The following NEURL1B variants were observed in gnomAD, a reference collection of about 807,000 sequenced individuals.
NEURL1B encodes the protein E3 ubiquitin-protein ligase NEURL1B.
A neutral mutation model predicts 37.4 loss-of-function variants in NEURL1B; 13 were observed. That is an observed-to-expected ratio of 0.35 (90% confidence interval 0.23 to 0.55). The LOEUF (loss-of-function observed/expected upper bound fraction) is 0.55, where lower values mean the gene tolerates loss of function less well. Ranked by LOEUF, NEURL1B falls within the 20% of genes least tolerant of loss-of-function variation. The pLI is 0.89. For synonymous variants in NEURL1B, 432 were observed against 426.6 expected, an observed-to-expected ratio of 1.01 and a Z score of -0.16; for missense variants, 790 against 879.2, an observed-to-expected ratio of 0.90 and a Z score of 1.28.
In NEURL1B at chr5:172,670,003, C is replaced by A; in HGVS notation, c.250C>A (p.Leu84Met). ...RPIRLYEQVR[L>M]RLVAVRPGWS... ...CATCCGGCTGTACGAGCAGGTGCGG[C>A]TGCGCCTGGTGGCCGTGCGCCCTGG... Residue 84 changes from leucine to methionine, a missense_variant, in exon 2 of 5, where the codon CTG (leucine) becomes ATG (methionine). Leu to Met is a conservative substitution (Grantham distance 15, BLOSUM62 2). Coordinates refer to ENST00000369800, the MANE Select transcript of NEURL1B (RefSeq NM_001142651.3). 4 of 1,483,768 alleles carry A rather than the reference C, an allele frequency of 2.7e-6. No homozygotes were observed. Among genetic ancestry groups the A allele is most frequent in the Non-Finnish European group, 3.6e-6 (4 of 1,122,978 alleles). The allele number at this position is 1,483,768 out of a possible 1,614,324, so 91.9% of individuals were successfully genotyped here. A position where few individuals can be genotyped will look rare whatever the true frequency, so the allele number is the denominator to read the frequency against.
chr5:172,646,821 T>G (rs1200669086), intron 1 of NEURL1B, among the ~76,000 whole-genome samples: 1 of 150,844 alleles, frequency 6.6e-6, no homozygotes, highest in Admixed American at 6.6e-5. Flanking sequence ...GAAAGGCTGT[T>G]CAGGGCACCA....
At chr5:172,677,995 G>T (rs1204221613) in intron 2 of NEURL1B, among the ~76,000 whole-genome samples, 1 of 152,108 alleles carries the variant, frequency 6.6e-6, no homozygotes, top group Non-Finnish European at 1.5e-5. Flanking sequence ...CAGACCCTGA[G>T]CCTACATCCT....
At chr5:172,677,574 G>T (rs181366537) in intron 2 of NEURL1B, among the ~76,000 whole-genome samples, 1 of 152,146 alleles carries the variant, frequency 6.6e-6, no homozygotes, top group African/African-American at 2.4e-5. Context: ...GGTCAGTGGC[G>T]CACAGACCCA....
At chr5:172,656,376 A>G (rs1391280042) in intron 1 of NEURL1B, 2 of 620,894 alleles carry the variant, frequency 3.2e-6, no homozygotes, top group South Asian at 2.9e-5. Context: ...TATTTTTACA[A>G]AAGTTTATTC....
intron 1 of NEURL1B, among the ~76,000 whole-genome samples, chr5:172,646,575 G>A (rs1200821606): frequency 6.6e-6 from 1 of 152,190 alleles, no homozygotes; most frequent in Admixed American, 6.5e-5. Flanking sequence ...CTGCTAAGAA[G>A]GATATGCCTG....
intron 1 of NEURL1B, among the ~76,000 whole-genome samples, chr5:172,652,040 A>C (rs985381479): frequency 2.6e-5 from 4 of 152,238 alleles, no homozygotes; most frequent in Admixed American, 6.5e-5. Flanking sequence ...GGGATGAACA[A>C]GGGCTGACTT....
At chr5:172,654,481 G>A (rs1171200770) in intron 1 of NEURL1B, among the ~76,000 whole-genome samples, 1 of 151,944 alleles carries the variant, frequency 6.6e-6, no homozygotes. Context: ...TCCCCTGTTA[G>A]GAAACCTGGT....
rs1171224735 is a variant in NEURL1B, at chr5:172,675,176, C to T, written c.577+4846C>T. Among the ~76,000 whole-genome samples, 3 of 152,086 alleles carry T rather than the reference C, an allele frequency of 2.0e-5. No individual in the cohort carries two copies. The highest frequency in any genetic ancestry group is 6.5e-5 in the Admixed American group (1 of 15,278). ...ACAGGCATGAGCCACCATGCCTGGCCGAATGTATCTTTTAAAAATAGGTAG... is the reference window on the plus strand; with the variant it reads ...ACAGGCATGAGCCACCATGCCTGGCTGAATGTATCTTTTAAAAATAGGTAG... On this transcript the variant is annotated intron_variant, in intron 2 of 4. Transcript: ENST00000369800. The surrounding 1 kb of genome is among the most constrained non-coding windows in gnomAD (Gnocchi z 4.7).
Position 172,665,062 on chromosome 5 carries a change from T to C in NEURL1B, c.32-4723T>C, listed in dbSNP as rs1303546303. Among the ~76,000 whole-genome samples the C allele has an allele frequency of 1.3e-5, 2 of 152,212 alleles. No homozygotes were observed. The highest frequency in any genetic ancestry group is 1.5e-5 in the Non-Finnish European group (1 of 68,038). ...AACATCTCTTGGGATTCCCAAGCCCTTCTGTAAAGAAACTCTCTGACTGAG... is the reference window on the plus strand; with the variant it reads ...AACATCTCTTGGGATTCCCAAGCCCCTCTGTAAAGAAACTCTCTGACTGAG... On this transcript the variant is annotated intron_variant, in intron 1 of 4. Coordinates refer to ENST00000369800, the MANE Select transcript of NEURL1B (RefSeq NM_001142651.3). This position sits in a 1 kb window ranked among gnomAD's most constrained non-coding sequence, Gnocchi z 4.1.
intron 1 of NEURL1B, among the ~76,000 whole-genome samples, chr5:172,643,967 G>GA (rs1196892498): frequency 6.6e-6 from 1 of 151,788 alleles, no homozygotes; most frequent in African/African-American, 2.4e-5. Flanking sequence ...GGCTTCCTTG[G>GA]GGTCTCTGCT....
intron 2 of NEURL1B, among the ~76,000 whole-genome samples, chr5:172,678,564 C>T (rs528003914): frequency 6.6e-6 from 1 of 151,904 alleles, no homozygotes; most frequent in East Asian, 1.9e-4. Context: ...GTGACACCAC[C>T]CCCTTGGTTG....
At position 172,681,564 on chromosome 5, in the gene NEURL1B, A is replaced by G. The variant is rs575689016; in HGVS notation, c.578-1855A>G. Among the ~76,000 whole-genome samples the G allele has an allele frequency of 3.9e-5, 6 of 152,326 alleles. No homozygotes were observed. The South Asian group carries it at 1.2e-3, about 32-fold the overall frequency. ...CTGAGACCTTGAAGAGGGCCACCTC[A>G]GGCACATCAAGAGAGATCAAACCAC... On this transcript the variant is annotated intron_variant, in intron 2 of 4. Coordinates refer to ENST00000369800, the MANE Select transcript of NEURL1B (RefSeq NM_001142651.3).
intron 3 of NEURL1B, among the ~76,000 whole-genome samples, chr5:172,685,513 A>G (rs772020583): frequency 6.6e-6 from 1 of 152,234 alleles, no homozygotes; most frequent in African/African-American, 2.4e-5. Flanking sequence ...AAGAAAACTC[A>G]TCCATGTTGA....
intron 1 of NEURL1B, among the ~76,000 whole-genome samples, chr5:172,666,189 C>A (rs577259198): frequency 6.8e-6 from 1 of 146,964 alleles, no homozygotes; most frequent in Non-Finnish European, 1.5e-5. Context: ...ACAACCACCA[C>A]CACCACCACC....
chr5:172,658,861 T>C (rs574591403), intron 1 of NEURL1B, among the ~76,000 whole-genome samples: 1 of 152,280 alleles, frequency 6.6e-6, no homozygotes, highest in African/African-American at 2.4e-5. Flanking sequence ...CCCCCAATTC[T>C]TTTTCAGGCC....
intron 1 of NEURL1B, among the ~76,000 whole-genome samples, chr5:172,664,613 C>T (rs992329588): frequency 1.3e-5 from 2 of 152,170 alleles, no homozygotes; most frequent in African/African-American, 4.8e-5. Flanking sequence ...TAGGATGATC[C>T]GCAGGGCCCT....
Position 172,661,797 on chromosome 5 carries a change from G to A in NEURL1B, c.32-7988G>A, listed in dbSNP as rs140663824. On this transcript the variant is annotated intron_variant, in intron 1 of 4. Coordinates refer to ENST00000369800, the MANE Select transcript of NEURL1B (RefSeq NM_001142651.3). The surrounding 1 kb of genome is among the most constrained non-coding windows in gnomAD (Gnocchi z 4.0). ...TGTTGCTTCCTGCCATCCTCCTGAC[G>A]GTAACTGCCATTTCCTTGGGCTCTT... is the stretch of plus-strand genomic sequence containing the variant. Among the ~76,000 whole-genome samples, 276 of 150,894 alleles carry A rather than the reference G, an allele frequency of 1.8e-3. No individual in the cohort carries two copies. Among genetic ancestry groups the A allele is most frequent in the African/African-American group, 6.4e-3 (266 of 41,468 alleles).
intron 1 of NEURL1B, among the ~76,000 whole-genome samples, chr5:172,654,446 G>A (rs1411491330): frequency 6.6e-6 from 1 of 152,136 alleles, no homozygotes; most frequent in Non-Finnish European, 1.5e-5. Context: ...TGAGACCTTT[G>A]CGTGGTAATT....
chr5:172,683,606 GGCCGCC>G lies in NEURL1B; in HGVS notation c.769_774del (p.Ala257_Ala258del). The stretch of plus-strand genomic sequence containing the variant: ...CGGGCCCACCGCCAGCCGACGCCGC[GGCCGCC>G]GCCATTCCGTGCGGGCCCCGTGAGC... On this transcript the variant is annotated inframe_deletion, in exon 3 of 5. Coordinates refer to ENST00000369800, the MANE Select transcript of NEURL1B (RefSeq NM_001142651.3). This position sits in a 1 kb window ranked among gnomAD's most constrained non-coding sequence, Gnocchi z 5.6. The G allele has an allele frequency of 8.0e-7, 1 of 1,254,600 alleles. No individual in the cohort carries two copies. Among genetic ancestry groups the G allele is most frequent in the Non-Finnish European group, 1.0e-6 (1 of 999,048 alleles). 77.7% of individuals were successfully genotyped at this position (1,254,600 alleles called of 1,614,324 possible).
Sources: allele counts gnomAD v4.1 joint callset (sites outside exome capture counted in the v4.1 genomes callset), GRCh38; gene constraint gnomAD v4.1.1; non-coding constraint Gnocchi (gnomAD v3.1); transcripts MANE v1.5; gene names NCBI Gene and HGNC (gene_info 2026-07-23, HGNC 2026-07-21).